Variants in GAD2 observed in about 807,000 individuals in gnomAD.
The protein encoded by GAD2 is 65 kDa glutamic acid decarboxylase.
In GAD2, 22 loss-of-function variants were observed where a neutral mutation model predicts 80.1. The ratio of observed to expected loss-of-function variants is 0.27; its 90% CI spans 0.20 to 0.39. The LOEUF is 0.39. Ranked by LOEUF, GAD2 falls within the 10% of genes least tolerant of loss-of-function variation. GAD2 has a pLI of 1.00. For synonymous variants in GAD2, 274 were observed against 256.9 expected (o/e 1.07, Z -0.64); for missense variants, 624 against 738.4 (o/e 0.85, Z 1.80).
intron 6 of GAD2, among the ~76,000 whole-genome samples, chr10:26,226,732 A>G (rs1844532014): frequency 6.6e-6 from 1 of 152,220 alleles, no homozygotes; most frequent in Admixed American, 6.5e-5. Context: ...GACTTAAAAC[A>G]TACTGTGTCA....
At chr10:26,241,901 C>T (rs1012773612) in intron 7 of GAD2, among the ~76,000 whole-genome samples, 3 of 152,142 alleles carry the variant, frequency 2.0e-5, no homozygotes, top group African/African-American at 2.4e-5. Context: ...CCCAACTCAG[C>T]ATTCTTTGCT....
At chr10:26,269,262 A>G in intron 9 of GAD2, 89 bp downstream of exon 9, 2 of 1,099,200 alleles carry the variant, frequency 1.8e-6, no homozygotes, top group African/African-American at 1.6e-5. Flanking sequence ...TTTTAAAAAG[A>G]GGATCCAAGC....
At chr10:26,283,878 C>T (rs1845300171) in intron 12 of GAD2, among the ~76,000 whole-genome samples, 1 of 152,156 alleles carries the variant, frequency 6.6e-6, no homozygotes, top group African/African-American at 2.4e-5. Context: ...TTTGATGTTA[C>T]CGTTGAGGCT....
At chr10:26,235,586 A>G (rs942632358) in intron 7 of GAD2, among the ~76,000 whole-genome samples, 23 of 152,222 alleles carry the variant, frequency 1.5e-4, no homozygotes, top group African/African-American at 4.3e-4. Flanking sequence ...GAGTTCCAAG[A>G]TTACTTTTCT....
chr10:26,251,714 C>T (rs1291765052), intron 8 of GAD2, among the ~76,000 whole-genome samples: 2 of 152,186 alleles, frequency 1.3e-5, no homozygotes, highest in Non-Finnish European at 2.9e-5. Flanking sequence ...ATCAGATTAA[C>T]CTTGCAAAAG....
chr10:26,228,289 C>T (rs138713870), intron 6 of GAD2, among the ~76,000 whole-genome samples: 16 of 152,288 alleles, frequency 1.1e-4, no homozygotes, highest in Non-Finnish European at 2.4e-4. Context: ...ACTCTACTTA[C>T]AAGACACAAA....
intron 7 of GAD2, among the ~76,000 whole-genome samples, chr10:26,240,812 G>A (rs1171186210): frequency 4.0e-5 from 6 of 151,528 alleles, no homozygotes; most frequent in East Asian, 1.9e-4. Context: ...CGGGGTGGGC[G>A]GATCACGAGG....
intron 3 of GAD2, 100 bp downstream of exon 3, chr10:26,218,091 T>C: frequency 7.8e-7 from 1 of 1,285,976 alleles, no homozygotes; most frequent in South Asian, 1.5e-5. Flanking sequence ...GACAGGGGCG[T>C]CGAGGTGGCA....
intron 7 of GAD2, among the ~76,000 whole-genome samples, chr10:26,232,904 G>A (rs1036276239): frequency 9.9e-5 from 15 of 152,120 alleles, no homozygotes; most frequent in Admixed American, 9.2e-4. Context: ...CAGTAGTGAA[G>A]GATCATTTGA....
intron 8 of GAD2, among the ~76,000 whole-genome samples, chr10:26,258,030 G>A (rs1237828909): frequency 6.6e-6 from 1 of 151,934 alleles, no homozygotes; most frequent in East Asian, 1.9e-4. Flanking sequence ...AGGGATGCTA[G>A]TCCTGTGTGT....
chr10:26,275,012 G>A (rs1156602627), intron 11 of GAD2, among the ~76,000 whole-genome samples: 1 of 152,208 alleles, frequency 6.6e-6, no homozygotes, highest in African/African-American at 2.4e-5. Context: ...CCCTCCCAGG[G>A]TCAGCCAGTG....
At chr10:26,258,715 C>T (rs1354136088) in intron 8 of GAD2, among the ~76,000 whole-genome samples, 1 of 152,112 alleles carries the variant, frequency 6.6e-6, no homozygotes, top group Non-Finnish European at 1.5e-5. Flanking sequence ...GAATTTCCTT[C>T]CTTTTTAAGG....
intron 14 of GAD2, 127 bp downstream of exon 14, chr10:26,292,699 G>T (rs944566630): frequency 3.5e-6 from 3 of 859,780 alleles, no homozygotes; most frequent in Non-Finnish European, 3.8e-6. Context: ...GGATGACGGG[G>T]TAGCTATTCC....
In GAD2 at chr10:26,270,624, T is replaced by G; in HGVS notation, c.976-16T>G. The G allele has an allele frequency of 6.3e-7, 1 of 1,577,964 alleles. No homozygotes were observed. The highest frequency in any genetic ancestry group is 1.1e-5 in the South Asian group (1 of 90,382). On this transcript the variant is annotated splice_polypyrimidine_tract_variant and intron_variant, in intron 9 of 15. Transcript: ENST00000376261. ...GACTCTGTTTTCCATGATTTGGGGC[T>G]TTCTCGTTCGCACAGGGGTTTGTTC... is the stretch of plus-strand genomic sequence containing the variant.
rs1834232075 is a variant in GAD2 at position 26,292,886 on chromosome 10, C to A, written c.1495-16C>A. Reference sequence around the variant, plus strand: ...CCAGCCTGGGCCAAATGTGAATCTTCCTTTCCTCTTTGTAGCCTCAGCACA... The same window carrying A: ...CCAGCCTGGGCCAAATGTGAATCTTACTTTCCTCTTTGTAGCCTCAGCACA... On this transcript the variant is annotated splice_polypyrimidine_tract_variant and intron_variant, in intron 14 of 15. Transcript: ENST00000376261. 1 of 1,608,890 alleles carries A rather than the reference C, an allele frequency of 6.2e-7. No individual in the cohort carries two copies. The highest frequency in any genetic ancestry group is 2.2e-5 in the East Asian group (1 of 44,866).
In GAD2 at chr10:26,289,346, C is replaced by A. The variant is rs576966812; in HGVS notation, c.1386+2852C>A. 3.9e-5 allele frequency among the ~76,000 whole-genome samples: 6 copies of A among 152,254 alleles called. 1 individual carries two copies. The highest frequency in any genetic ancestry group is 9.6e-5 in the African/African-American group (4 of 41,546). ...AAGAACATAGCATTAATTCACTAAA[C>A]CCTCTGTTGTCAGACATGCCTGGAG... On this transcript the variant is annotated intron_variant, in intron 13 of 15. Transcript: ENST00000376261.
chr10:26,230,018 A>G (rs1435127855), intron 7 of GAD2, among the ~76,000 whole-genome samples: 1 of 151,472 alleles, frequency 6.6e-6, no homozygotes, highest in African/African-American at 2.4e-5. Flanking sequence ...CTTCACAGAA[A>G]ATTTAAAAAA....
chr10:26,235,114 T>C (rs967437289), intron 7 of GAD2, among the ~76,000 whole-genome samples: 1 of 152,228 alleles, frequency 6.6e-6, no homozygotes. Context: ...CCTCAGGTGA[T>C]CCACCTGCCT....
chr10:26,272,879 A>G (rs1845152240), intron 10 of GAD2, among the ~76,000 whole-genome samples: 1 of 152,204 alleles, frequency 6.6e-6, no homozygotes, highest in African/African-American at 2.4e-5. Context: ...ACAAAACAAA[A>G]CAAAAAGAGG....
Sources: gnomAD v4.1 joint callset for allele counts (sites outside exome capture counted in the v4.1 genomes callset) on GRCh38, gnomAD v4.1.1 for gene constraint, MANE v1.5 for transcripts, NCBI Gene and HGNC (gene_info 2026-07-23, HGNC 2026-07-21) for gene names.